Variants in KLHDC4 observed in about 807,000 individuals in gnomAD.
KLHDC4 encodes kelch domain containing 4.
A neutral mutation model predicts 62.4 loss-of-function variants in KLHDC4; 90 were observed. The observed-to-expected ratio is 1.44, with a 90% CI of 1.22 to 1.72. KLHDC4 has a LOEUF of 1.72. Ranked by LOEUF, KLHDC4 falls within the 40% of genes most tolerant of loss-of-function variation. The pLI is 0.00. For synonymous variants in KLHDC4, 386 were observed against 284.4 expected (o/e 1.36, Z -3.59); for missense variants, 1,025 against 699.7 (o/e 1.47, Z -5.25).
intron 11 of KLHDC4, 102 bp downstream of exon 11, chr16:87,708,248 A>C (rs1037645625): frequency 3.6e-6 from 3 of 838,592 alleles, no homozygotes; most frequent in Non-Finnish European, 5.5e-6. Context: ...CAACGTTTTT[A>C]AAAAATTTAC....
chr16:87,758,624 G>T (rs1012210364), intron 2 of KLHDC4, among the ~76,000 whole-genome samples: 4 of 152,092 alleles, frequency 2.6e-5, no homozygotes. Context: ...AATGGAAGAA[G>T]AATTGTCTCG....
intron 7 of KLHDC4, among the ~76,000 whole-genome samples, chr16:87,717,562 G>A (rs971720470): frequency 2.6e-5 from 4 of 152,160 alleles, no homozygotes; most frequent in Non-Finnish European, 5.9e-5. Context: ...TCTCCTTCTG[G>A]AAACATCTGT....
At chr16:87,716,659 G>A (rs755076395) in intron 7 of KLHDC4, among the ~76,000 whole-genome samples, 9 of 152,278 alleles carry the variant, frequency 5.9e-5, no homozygotes, top group East Asian at 3.9e-4. Flanking sequence ...GGCCGGGCAC[G>A]GTGGCTTACA....
chr16:87,729,292 G>C (rs180918842), intron 6 of KLHDC4: 1 of 152,304 alleles, frequency 6.6e-6, no homozygotes, highest in East Asian at 1.9e-4. Context: ...AATCACGAGA[G>C]GGTGCGACTG....
chr16:87,735,417 C>T (rs990386065), intron 5 of KLHDC4, among the ~76,000 whole-genome samples: 1 of 152,118 alleles, frequency 6.6e-6, no homozygotes, highest in Non-Finnish European at 1.5e-5. Flanking sequence ...AGCGAGGGAA[C>T]ACAGGCCTGG....
At chr16:87,764,538 A>G (rs1053847054) in intron 1 of KLHDC4, among the ~76,000 whole-genome samples, 1 of 149,718 alleles carries the variant, frequency 6.7e-6, no homozygotes, top group East Asian at 2.0e-4. Context: ...AATCTCAGCT[A>G]CTTGGGAGGC....
At chr16:87,760,478 G>C (rs1283941952) in intron 2 of KLHDC4, among the ~76,000 whole-genome samples, 2 of 151,380 alleles carry the variant, frequency 1.3e-5, no homozygotes, top group Non-Finnish European at 1.5e-5. Context: ...TTGGTGGCGG[G>C]TGCCTGTAGT....
At chr16:87,719,856 C>T (rs2037904615) in intron 7 of KLHDC4, among the ~76,000 whole-genome samples, 1 of 152,196 alleles carries the variant, frequency 6.6e-6, no homozygotes, top group South Asian at 2.1e-4. Context: ...TACTTAGCAT[C>T]CGGCTGAGAC....
At chr16:87,748,902 T>C (rs1311960640) in intron 4 of KLHDC4, 93 bp from the exon 5 acceptor site, 31 of 1,406,932 alleles carry the variant, frequency 2.2e-5, no homozygotes, top group Non-Finnish European at 2.9e-5. Context: ...TTCAGTACTA[T>C]CTCGGATGCC....
intron 5 of KLHDC4, chr16:87,747,745 A>G (rs1230004317): frequency 1.3e-5 from 2 of 152,222 alleles, no homozygotes; most frequent in Admixed American, 1.3e-4. Context: ...AGGACTCAAC[A>G]CCCTGACAAG....
At chr16:87,706,196 G>A (rs1247301808), downstream of KLHDC4, among the ~76,000 whole-genome samples, 1 of 81,114 alleles carries the variant, frequency 1.2e-5, no homozygotes. Flanking sequence ...GGGGGTCAGC[G>A]TAATGCAAAC....
rs769964399 is a variant in KLHDC4, at chr16:87,756,483, A to C, written c.192-6T>G. The stretch of plus-strand genomic sequence containing the variant: ...CCGAGAGGGAGGCATTTAACCTACA[A>C]GACACACAAGCGGCAGGTCAGCAAG... On this transcript the variant is annotated splice_region_variant and splice_polypyrimidine_tract_variant and intron_variant, in intron 2 of 11. Coordinates refer to ENST00000270583, the MANE Select transcript of KLHDC4 (RefSeq NM_017566.4). 12 of 1,612,106 alleles carry C rather than the reference A, an allele frequency of 7.4e-6. No individual in the cohort carries two copies. The East Asian group carries it at 2.5e-4, about 33-fold the overall frequency.
At chr16:87,742,908 G>A (rs1349087372) in intron 5 of KLHDC4, 2 of 152,278 alleles carry the variant, frequency 1.3e-5, no homozygotes, top group East Asian at 3.8e-4. Flanking sequence ...AGGCGCCGCA[G>A]CTGTAGTCCA....
At chr16:87,731,324 A>C (rs142014078) in intron 5 of KLHDC4, among the ~76,000 whole-genome samples, 1 of 151,964 alleles carries the variant, frequency 6.6e-6, no homozygotes, top group Non-Finnish European at 1.5e-5. Context: ...TGCCTGACTC[A>C]GACTCCCAAA....
At chr16:87,700,940 T>C in exon 1 of KLHDC4, 1 of 245,920 alleles carries the variant, frequency 4.1e-6, no homozygotes, top group South Asian at 3.6e-5. Context: ...GGTTGGCTTC[T>C]CTCGCGCCCA....
intron 5 of KLHDC4, among the ~76,000 whole-genome samples, chr16:87,736,126 G>A (rs539484307): frequency 2.0e-5 from 3 of 152,146 alleles, no homozygotes; most frequent in Non-Finnish European, 4.4e-5. Flanking sequence ...TGTGCTGTCC[G>A]AGTGCACGCA....
chr16:87,698,971 G>GC (rs1395472869), exon 1 of KLHDC4: 1 of 152,264 alleles, frequency 6.6e-6, no homozygotes, highest in East Asian at 1.9e-4. Flanking sequence ...TGCACCCGAG[G>GC]CCAGGAGGAA....
rs577871729 is a variant in KLHDC4, at chr16:87,762,037, C to T, written c.103G>A (p.Asp35Asn). Residue 35 changes from aspartate to asparagine, a missense_variant, in exon 2 of 12, where the codon GAC (aspartate) becomes AAC (asparagine). Physicochemically the swap from Asp to Asn is conservative, Grantham distance 23. Coordinates refer to ENST00000270583, the MANE Select transcript of KLHDC4 (RefSeq NM_017566.4). ...VSKRSRKEEE[D>N]LEALIAHFQT... ...AAATGGGCTATGAGCGCTTCCAGGT[C>T]TTCCTAGGGCAAGCAAGCAGGCACA... is the stretch of plus-strand genomic sequence containing the variant. 1.9e-6 allele frequency: 3 copies of T among 1,613,450 alleles called. No homozygotes were observed. Among genetic ancestry groups the T allele is most frequent in the East Asian group, 2.2e-5 (1 of 44,854 alleles).
At chr16:87,729,569 C>G (rs897282903) in intron 6 of KLHDC4, among the ~76,000 whole-genome samples, 2 of 152,234 alleles carry the variant, frequency 1.3e-5, no homozygotes, top group South Asian at 4.1e-4. Context: ...CTTTTCTGGA[C>G]TGAACTAAGT....
Sources: gnomAD v4.1 joint callset for allele counts (sites outside exome capture counted in the v4.1 genomes callset) on GRCh38, gnomAD v4.1.1 for gene constraint, MANE v1.5 for transcripts, NCBI Gene and HGNC (gene_info 2026-07-23, HGNC 2026-07-21) for gene names.